Variants in HDAC9 observed in about 807,000 individuals in gnomAD.
The protein encoded by HDAC9 is histone deacetylase 9.
HDAC9 carries 41 observed loss-of-function variants against 139.4 expected under a neutral mutation model. The ratio of observed to expected loss-of-function variants is 0.29; its 90% confidence interval spans 0.23 to 0.38. The LOEUF is 0.38. Among genes scored for constraint, HDAC9 ranks in the 10% least tolerant of loss-of-function variants. The probability of loss-of-function intolerance (pLI) is 1.00; values close to 1 mark genes in which losing one functional copy is unlikely to be tolerated. For synonymous variants in HDAC9, 517 were observed against 476.2 expected, an observed-to-expected ratio of 1.09 and a Z score of -1.12; for missense variants, 1,147 against 1,297.0, an observed-to-expected ratio of 0.88 and a Z score of 1.78.
intron 2 of HDAC9, among the ~76,000 whole-genome samples, chr7:18,188,126 GCATGGTACTGGTA>G (rs1790057852): frequency 6.6e-6 from 1 of 152,148 alleles, no homozygotes; most frequent in Non-Finnish European, 1.5e-5. Flanking sequence ...AACCAAAACA[GCATGGTACTGGTA>G]CCAAGACAGA....
intron 12 of HDAC9, among the ~76,000 whole-genome samples, chr7:18,687,177 T>G (rs1782335371): frequency 6.6e-6 from 1 of 151,834 alleles, no homozygotes; most frequent in South Asian, 2.1e-4. Flanking sequence ...CTTCTTAATG[T>G]TATTTCTGTA....
chr7:18,332,530 C>T (rs1801010077), intron 1 of HDAC9, among the ~76,000 whole-genome samples: 1 of 151,332 alleles, frequency 6.6e-6, no homozygotes, highest in African/African-American at 2.4e-5. Flanking sequence ...CGTAATTGGT[C>T]CAATAAAAGA....
At chr7:18,728,158 G>C (rs755920551) in intron 13 of HDAC9, among the ~76,000 whole-genome samples, 3 of 151,936 alleles carry the variant, frequency 2.0e-5, no homozygotes, top group Non-Finnish European at 4.4e-5. Context: ...TTTTTTGTTT[G>C]TTTGTTTTAT....
chr7:18,436,338 G>A (rs1283682543), intron 1 of HDAC9, among the ~76,000 whole-genome samples: 2 of 152,092 alleles, frequency 1.3e-5, no homozygotes, highest in Admixed American at 6.6e-5. Context: ...TAATCTTAAC[G>A]GAAAAAGCCT....
intron 6 of HDAC9, among the ~76,000 whole-genome samples, chr7:18,619,290 T>C (rs921240831): frequency 6.6e-6 from 1 of 152,184 alleles, no homozygotes; most frequent in Admixed American, 6.5e-5. Context: ...TTGAGGTTCA[T>C]CTAGTTCTCT....
At chr7:18,937,986 A>C (rs1445385012) in intron 23 of HDAC9, among the ~76,000 whole-genome samples, 1 of 152,202 alleles carries the variant, frequency 6.6e-6, no homozygotes, top group African/African-American at 2.4e-5. Flanking sequence ...AACAGATTCA[A>C]CTGTGTGGAG....
At position 18,866,130 on chromosome 7, in the gene HDAC9, C is replaced by T. The variant is rs1798478546; in HGVS notation, c.2685-8348C>T. ...CTGGCTTTATGCCACCTTTCTCATC[C>T]CATTTCCAACCATCTTTCCTTTCAT... On this transcript the variant is annotated intron_variant, in intron 21 of 25. Transcript: ENST00000686413. Among the ~76,000 whole-genome samples, 6 of 149,256 alleles carry T rather than the reference C, an allele frequency of 4.0e-5. 1 individual carries two copies. The South Asian group carries it at 1.3e-3, about 33-fold the overall frequency.
intron 2 of HDAC9, among the ~76,000 whole-genome samples, chr7:18,249,876 G>A (rs533015489): frequency 6.3e-4 from 96 of 152,158 alleles, no homozygotes; most frequent in African/African-American, 2.3e-3. Context: ...TTAAAATAAG[G>A]GTTTAATTAA....
At chr7:18,980,493 A>C (rs957066787) in intron 25 of HDAC9, among the ~76,000 whole-genome samples, 1 of 152,172 alleles carries the variant, frequency 6.6e-6, no homozygotes, top group Non-Finnish European at 1.5e-5. Flanking sequence ...TCATCTTTAA[A>C]ATGAGAGAAA....
At chr7:18,351,147 A>G (rs187005976) in intron 1 of HDAC9, among the ~76,000 whole-genome samples, 1 of 152,304 alleles carries the variant, frequency 6.6e-6, no homozygotes, top group East Asian at 1.9e-4. Flanking sequence ...CATAATCACA[A>G]TGATTTATTT....
At position 18,710,192 on chromosome 7, in the gene HDAC9, C is replaced by A. The variant is rs79680732; in HGVS notation, c.1732-17388C>A. 8.9e-3 allele frequency among the ~76,000 whole-genome samples: 1,353 copies of A among 152,188 alleles called. 15 individuals are homozygous for A. The highest frequency in any genetic ancestry group is 0.015 in the Non-Finnish European group (995 of 68,018). On this transcript the variant is annotated intron_variant, in intron 12 of 25. Transcript: ENST00000686413. ...ATGAGAACAGCATGGAAGAAACCCACCCCCATGATTCAGTTAACTCTCCCC... is the reference window on the plus strand; with the variant it reads ...ATGAGAACAGCATGGAAGAAACCCAACCCCATGATTCAGTTAACTCTCCCC...
At chr7:18,592,116 A>G (rs967946201) in intron 5 of HDAC9, among the ~76,000 whole-genome samples, 9 of 152,118 alleles carry the variant, frequency 5.9e-5, no homozygotes, top group African/African-American at 2.2e-4. Flanking sequence ...TCAAAAATCT[A>G]GTAGAATTTT....
At chr7:18,177,111 T>G (rs1021462016) in intron 2 of HDAC9, among the ~76,000 whole-genome samples, 2 of 152,224 alleles carry the variant, frequency 1.3e-5, no homozygotes, top group Non-Finnish European at 2.9e-5. Context: ...CTTCCTACCT[T>G]TCTTAGTTTT....
chr7:18,930,695 G>A (rs958780697), intron 22 of HDAC9, among the ~76,000 whole-genome samples: 2 of 152,130 alleles, frequency 1.3e-5, no homozygotes, highest in African/African-American at 4.8e-5. Context: ...TACATCACTT[G>A]AATGTTTTGT....
Position 18,671,455 on chromosome 7 carries a change from G to A in HDAC9, c.1731+4979G>A, listed in dbSNP as rs1028391582. 4.6e-5 allele frequency among the ~76,000 whole-genome samples: 7 copies of A among 151,912 alleles called. No homozygotes were observed. The East Asian group carries it at 5.8e-4, about 13-fold the overall frequency. On this transcript the variant is annotated intron_variant, in intron 12 of 25. Coordinates refer to ENST00000686413, the MANE Select transcript of HDAC9 (RefSeq NM_178425.4). ...TGCCCTAACCACTTCCTGAAATCTG[G>A]CCTGATTTTTAATAGCTTTTACCTA...
chr7:18,566,770 C>G (rs548387699), intron 2 of HDAC9, among the ~76,000 whole-genome samples: 5 of 152,320 alleles, frequency 3.3e-5, no homozygotes, highest in Non-Finnish European at 7.3e-5. Context: ...TTATTCATTA[C>G]TTGTTCTTTA....
chr7:18,549,434 CTG>C (rs1416030112), intron 2 of HDAC9, among the ~76,000 whole-genome samples: 1 of 152,112 alleles, frequency 6.6e-6, no homozygotes, highest in Non-Finnish European at 1.5e-5. Flanking sequence ...GTTAAACAAA[CTG>C]TGTGGTACAT....
chr7:18,549,041 T>C (rs956374108), intron 2 of HDAC9, among the ~76,000 whole-genome samples: 4 of 152,100 alleles, frequency 2.6e-5, no homozygotes, highest in African/African-American at 4.8e-5. Flanking sequence ...AGATCGAGAC[T>C]ATCCTGACCA....
chr7:18,275,576 C>T (rs554556606), intron 2 of HDAC9, among the ~76,000 whole-genome samples: 6 of 152,312 alleles, frequency 3.9e-5, no homozygotes, highest in South Asian at 2.1e-4. Flanking sequence ...TCTTTTAACT[C>T]TCCCCTTCGT....
Sources: allele counts gnomAD v4.1 joint callset (sites outside exome capture counted in the v4.1 genomes callset), GRCh38; gene constraint gnomAD v4.1.1; transcripts MANE v1.5; gene names NCBI Gene and HGNC (gene_info 2026-07-23, HGNC 2026-07-21).